Variants in AP2A2 observed in about 807,000 individuals in gnomAD.
AP2A2 encodes the protein AP-2 complex subunit alpha-2.
AP2A2 carries 32 observed loss-of-function variants against 104.2 expected under a neutral mutation model. The ratio of observed to expected loss-of-function variants is 0.31; its 90% CI spans 0.23 to 0.41. AP2A2 has a LOEUF of 0.41. Ranked by LOEUF, AP2A2 falls within the 10% of genes least tolerant of loss-of-function variation. The probability of loss-of-function intolerance (pLI) is 1.00; values close to 1 mark genes in which losing one functional copy is unlikely to be tolerated. For synonymous variants in AP2A2, 539 were observed against 533.3 expected, an observed-to-expected ratio of 1.01 and a Z score of -0.15; for missense variants, 912 against 1,261.0, an observed-to-expected ratio of 0.72 and a Z score of 4.19.
intron 4 of AP2A2, 31 bp downstream of exon 4, chr11:972,286 TGAA>T: frequency 7.2e-6 from 11 of 1,536,510 alleles, no homozygotes; most frequent in Non-Finnish European, 9.6e-6. Flanking sequence ...GGGCTCCTGC[TGAA>T]GATGTGCTGC....
chr11:980,954 G>A (rs1855218083), intron 5 of AP2A2, among the ~76,000 whole-genome samples: 1 of 152,210 alleles, frequency 6.6e-6, no homozygotes, highest in African/African-American at 2.4e-5. Context: ...CTGGCTCTTC[G>A]ATGCTGGCAG....
At position 926,045 on chromosome 11, in the gene AP2A2, C is replaced by T. The variant is rs1168532663; in HGVS notation, c.24C>T (p.Asp8=). The change falls in exon 1 of 22, where the codon GAC becomes GAT. Residue 8 remains aspartate, a synonymous_variant. Coordinates refer to ENST00000448903, the MANE Select transcript of AP2A2 (RefSeq NM_012305.4). The stretch of plus-strand genomic sequence containing the variant: ...AGATGCCGGCCGTGTCCAAGGGGGA[C>T]GGGATGCGGGGCCTGGCGGTCTTCA... MPAVSKG[D]GMRGLAVFIS... The T allele has an allele frequency of 1.1e-5, 15 of 1,386,704 alleles. No individual in the cohort carries two copies. The highest frequency in any genetic ancestry group is 8.3e-5 in the South Asian group (5 of 60,012). 85.9% of individuals were successfully genotyped at this position (1,386,704 alleles called of 1,614,324 possible).
At chr11:998,836 GGC>G (rs1855940180) in intron 14 of AP2A2, among the ~76,000 whole-genome samples, 1 of 152,178 alleles carries the variant, frequency 6.6e-6, no homozygotes, top group Non-Finnish European at 1.5e-5. Context: ...TGGGATTACA[GGC>G]GTGTGCCACC....
At chr11:981,381 G>C in intron 6 of AP2A2, 82 bp downstream of exon 6, 1 of 1,210,076 alleles carries the variant, frequency 8.3e-7, no homozygotes, top group Non-Finnish European at 1.2e-6. Flanking sequence ...TAGAATGCAA[G>C]GTATTTGATC....
intron 1 of AP2A2, among the ~76,000 whole-genome samples, chr11:959,060 A>G (rs1472650735): frequency 2.0e-5 from 3 of 152,270 alleles, no homozygotes; most frequent in Non-Finnish European, 4.4e-5. Flanking sequence ...CCTCCGTGTT[A>G]TTAGCGGATG....
intron 1 of AP2A2, among the ~76,000 whole-genome samples, chr11:953,375 G>A (rs534957013): frequency 1.2e-4 from 19 of 152,168 alleles, no homozygotes; most frequent in Non-Finnish European, 2.4e-4. Flanking sequence ...ATGTTGCCCA[G>A]GCTGGTCTCA....
intron 1 of AP2A2, among the ~76,000 whole-genome samples, chr11:935,490 CAG>C (rs998937888): frequency 2.0e-5 from 3 of 151,692 alleles, no homozygotes; most frequent in Non-Finnish European, 2.9e-5. Flanking sequence ...TTAGTAGAGA[CAG>C]AGTTTCGCCG....
At chr11:962,371 T>C (rs974972361) in intron 2 of AP2A2, among the ~76,000 whole-genome samples, 4 of 152,234 alleles carry the variant, frequency 2.6e-5, no homozygotes, top group African/African-American at 9.6e-5. Flanking sequence ...GGGAGGTTTT[T>C]ATAGGTTTCA....
At chr11:1,004,502 C>A (rs1392806214) in intron 16 of AP2A2, among the ~76,000 whole-genome samples, 1 of 150,120 alleles carries the variant, frequency 6.7e-6, no homozygotes, top group East Asian at 2.0e-4. Flanking sequence ...GCCTGGTGGC[C>A]TGGTGACTTA....
chr11:941,676 C>G (rs1289536724), intron 1 of AP2A2, among the ~76,000 whole-genome samples: 4 of 151,454 alleles, frequency 2.6e-5, no homozygotes, highest in Non-Finnish European at 4.4e-5. Context: ...CAATCTCTGA[C>G]TCCCAGGTTC....
Position 959,517 on chromosome 11 carries a change from T to A in AP2A2, c.136+12T>A. The A allele has an allele frequency of 6.6e-7, 1 of 1,513,016 alleles. No individual in the cohort carries two copies. Among genetic ancestry groups the A allele is most frequent in the South Asian group, 1.2e-5 (1 of 86,284 alleles). The allele number at this position is 1,513,016 out of a possible 1,614,324, so 93.7% of individuals were successfully genotyped here. A position where few individuals can be genotyped will look rare whatever the true frequency, so the allele number is the denominator to read the frequency against. On this transcript the variant is annotated intron_variant, in intron 2 of 21. Transcript: ENST00000448903. ...ATCAAAATTTAAAGGTAAGTATGTT[T>A]AACCTTTTCCATGAAATGTCCTGTT...
chr11:984,604 C>T lies in AP2A2; in HGVS notation c.706-41C>T, dbSNP rs376878919. ...TCTTTGGGTCCCCGCAGTAGGGGCT[C>T]GTGTCCGGCAGCGTGTCTCATTGCC... is the stretch of plus-strand genomic sequence containing the variant. On this transcript the variant is annotated intron_variant, in intron 6 of 21. Coordinates refer to ENST00000448903, the MANE Select transcript of AP2A2 (RefSeq NM_012305.4). The T allele has an allele frequency of 2.2e-5, 34 of 1,512,786 alleles. No individual in the cohort carries two copies. The African/African-American group carries it at 3.0e-4, about 13-fold the overall frequency. 93.7% of individuals were successfully genotyped at this position (1,512,786 alleles called of 1,614,324 possible). A position where few individuals can be genotyped will look rare whatever the true frequency, so the allele number is the denominator to read the frequency against.
At chr11:932,841 A>C in intron 1 of AP2A2, 1 of 434,932 alleles carries the variant, frequency 2.3e-6, no homozygotes, top group Non-Finnish European at 4.6e-6. Flanking sequence ...TTTGTGCCAG[A>C]TACTTACTAT....
intron 6 of AP2A2, among the ~76,000 whole-genome samples, chr11:982,056 A>C (rs1276090505): frequency 6.6e-6 from 1 of 151,878 alleles, no homozygotes; most frequent in East Asian, 1.9e-4. Flanking sequence ...TTTATTTTTT[A>C]TTTTTTTCTT....
chr11:941,311 G>T (rs143535877), intron 1 of AP2A2, among the ~76,000 whole-genome samples: 2 of 152,112 alleles, frequency 1.3e-5, no homozygotes, highest in Admixed American at 6.5e-5. Flanking sequence ...CAATGTCCAG[G>T]ATTGTGATAA....
At chr11:956,916 C>T (rs910410156) in intron 1 of AP2A2, 1 of 152,244 alleles carries the variant, frequency 6.6e-6, no homozygotes, top group Non-Finnish European at 1.5e-5. Context: ...GGCAAACAAG[C>T]TATCAGTTCT....
In AP2A2 at chr11:983,475, T is replaced by C. The variant is rs537295250; in HGVS notation, c.706-1170T>C. ...TTGGCTCACTACAAGCTCCGCCTCC[T>C]GGGTTCACGCCATTCTCCTGCCTCA... On this transcript the variant is annotated intron_variant, in intron 6 of 21. Transcript: ENST00000448903. Among the ~76,000 whole-genome samples, 244 of 152,102 alleles carry C rather than the reference T, an allele frequency of 1.6e-3. No individual in the cohort carries two copies. The Middle Eastern group carries it at 0.024, about 15-fold the overall frequency.
At chr11:939,094 T>TA (rs898882677) in intron 1 of AP2A2, among the ~76,000 whole-genome samples, 6 of 151,472 alleles carry the variant, frequency 4.0e-5, no homozygotes, top group African/African-American at 1.2e-4. Context: ...ACTAAAAATA[T>TA]AAAAAAATTC....
intron 6 of AP2A2, 179 bp downstream of exon 6, chr11:981,478 T>G: frequency 3.4e-6 from 2 of 581,588 alleles, no homozygotes; most frequent in East Asian, 5.9e-5. Flanking sequence ...GAAGCACAGC[T>G]CCCTGTTCCC....
Sources: gnomAD v4.1 joint callset for allele counts (sites outside exome capture counted in the v4.1 genomes callset) on GRCh38, gnomAD v4.1.1 for gene constraint, MANE v1.5 for transcripts, NCBI Gene and HGNC (gene_info 2026-07-23, HGNC 2026-07-21) for gene names.